Variants in ZNF292 observed in about 807,000 individuals in gnomAD.
ZNF292 encodes zinc finger protein 292.
Under a neutral mutation model 217.9 loss-of-function variants are expected in ZNF292, and 26 were observed. The ratio of observed to expected loss-of-function variants is 0.12; its 90% CI spans 0.09 to 0.17. ZNF292 has a LOEUF of 0.17. Among genes scored for constraint, ZNF292 ranks in the 10% least tolerant of loss-of-function variants. ZNF292 has a pLI of 1.00. For synonymous variants in ZNF292, 1,257 were observed against 1,124.1 expected (o/e 1.12, Z -2.37); for missense variants, 2,904 against 3,175.2 (o/e 0.91, Z 2.05).
chr6:87,250,970 C>T (rs73485831), intron 7 of ZNF292, among the ~76,000 whole-genome samples: 8 of 152,012 alleles, frequency 5.3e-5, no homozygotes, highest in Non-Finnish European at 1.2e-4. Context: ...AGTGCAGTGC[C>T]TGGTATAAAG....
rs752678527 is a variant in ZNF292 at position 87,261,574 on chromosome 6, G to T, written c.7945G>T (p.Glu2649Ter). 6.2e-7 allele frequency: 1 copy of T among 1,610,634 alleles called. No individual in the cohort carries two copies. The highest frequency in any genetic ancestry group is 8.5e-7 in the Non-Finnish European group (1 of 1,178,200). ...TCATGTATGTCCTTGTAAAGAAAGC[G>T]AAACGTTTGTACAGTTTGCCAATCC... ...GNHVCPCKES[E>*]TFVQFANPSQ... is the part of the protein sequence containing the mutation. Residue 2649 changes from glutamate to a stop codon, truncating the protein, a stop_gained, in exon 8 of 8, where the codon GAA becomes TAA. Coordinates refer to ENST00000369577, the MANE Select transcript of ZNF292 (RefSeq NM_015021.3). LOFTEE classifies it high-confidence loss of function.
At chr6:87,172,832 G>A (rs1771146937) in intron 1 of ZNF292, among the ~76,000 whole-genome samples, 1 of 151,832 alleles carries the variant, frequency 6.6e-6, no homozygotes, top group East Asian at 1.9e-4. Context: ...ACCTGAGCCT[G>A]GGAAGTCGAG....
At chr6:87,215,526 G>A (rs1772708942) in intron 1 of ZNF292, among the ~76,000 whole-genome samples, 1 of 151,948 alleles carries the variant, frequency 6.6e-6, no homozygotes, top group Non-Finnish European at 1.5e-5. Context: ...CTGCTTCTAC[G>A]AGAAATAGAA....
intron 1 of ZNF292, among the ~76,000 whole-genome samples, chr6:87,163,450 CAAAA>C (rs751272449): frequency 9.0e-5 from 12 of 133,422 alleles, no homozygotes; most frequent in African/African-American, 1.4e-4. Context: ...GACTTCGCCT[CAAAA>C]AAAAAAAACC....
intron 1 of ZNF292, among the ~76,000 whole-genome samples, chr6:87,179,435 A>G (rs1020117375): frequency 1.3e-5 from 2 of 152,122 alleles, no homozygotes; most frequent in Admixed American, 1.3e-4. Context: ...TGCTGGGATT[A>G]CAGGAATGAG....
chr6:87,240,456 C>G (rs1475505474), intron 5 of ZNF292, among the ~76,000 whole-genome samples: 1 of 151,952 alleles, frequency 6.6e-6, no homozygotes, highest in Non-Finnish European at 1.5e-5. Context: ...GAGTTTTGCT[C>G]TTGTTGCCCA....
chr6:87,166,776 A>G (rs1039509055), intron 1 of ZNF292, among the ~76,000 whole-genome samples: 1 of 152,118 alleles, frequency 6.6e-6, no homozygotes, highest in African/African-American at 2.4e-5. Flanking sequence ...ATATGTATGC[A>G]TTTGTTGCCT....
Position 87,168,420 on chromosome 6 carries a change from A to G in ZNF292, c.168+12661A>G, listed in dbSNP as rs1214930747. 2.6e-5 allele frequency among the ~76,000 whole-genome samples: 4 copies of G among 152,228 alleles called. No homozygotes were observed. The East Asian group carries it at 7.7e-4, about 29-fold the overall frequency. ...CCTGGAAAATGTCTTCATGTGGAAC[A>G]TTTGGCATCCTTATTGATGCCTGAT... On this transcript the variant is annotated intron_variant, in intron 1 of 7. Transcript: ENST00000369577.
chr6:87,214,212 A>G (rs2127800532), intron 1 of ZNF292, among the ~76,000 whole-genome samples: 1 of 152,328 alleles, frequency 6.6e-6, no homozygotes, highest in Middle Eastern at 3.4e-3. Flanking sequence ...GCTTCATCTC[A>G]TGACCAGCTA....
At chr6:87,181,762 A>G (rs542258694) in intron 1 of ZNF292, among the ~76,000 whole-genome samples, 1 of 151,640 alleles carries the variant, frequency 6.6e-6, no homozygotes, top group South Asian at 2.1e-4. Context: ...ACTCACTGCA[A>G]CCTCCGCCTC....
At chr6:87,250,040 A>C (rs1041621020) in intron 7 of ZNF292, among the ~76,000 whole-genome samples, 2 of 151,330 alleles carry the variant, frequency 1.3e-5, no homozygotes, top group South Asian at 2.1e-4. Context: ...AAAAAAACAA[A>C]AAAAAAAACT....
At position 87,257,889 on chromosome 6, in the gene ZNF292, T is replaced by G. The variant is rs1775319895; in HGVS notation, c.4260T>G (p.Ser1420=). ...TTCTACAGAGTAATGGACAGCCTTCTCTTCTTGCCAGCATGATTCTCTCCA... is the reference window on the plus strand; with the variant it reads ...TTCTACAGAGTAATGGACAGCCTTCGCTTCTTGCCAGCATGATTCTCTCCA... ...QELLQSNGQP[S]LLASMILSTN... The change falls in exon 8 of 8, where the codon TCT becomes TCG. Residue 1420 remains serine, a synonymous_variant. Transcript: ENST00000369577. 6.2e-7 allele frequency: 1 copy of G among 1,613,882 alleles called. No homozygotes were observed. Among genetic ancestry groups the G allele is most frequent in the African/African-American group, 1.3e-5 (1 of 75,036 alleles).
chr6:87,183,082 A>G (rs1309819801), intron 1 of ZNF292, among the ~76,000 whole-genome samples: 2 of 152,176 alleles, frequency 1.3e-5, no homozygotes, highest in Non-Finnish European at 2.9e-5. Context: ...ATGACTGTGT[A>G]TACAGTGAAT....
chr6:87,189,604 A>AT lies in ZNF292; in HGVS notation c.169-26294dup, dbSNP rs551107294. Among the ~76,000 whole-genome samples, 54 of 151,634 alleles carry AT rather than the reference A, an allele frequency of 3.6e-4. 1 individual carries two copies. In the South Asian group the frequency reaches 8.8e-3, roughly 25 times the overall value. ...TGTAGAATATATGAATTTGTCTAAT[A>AT]TTTTTCTCATTATTAGACTGGGATT... On this transcript the variant is annotated intron_variant, in intron 1 of 7. Transcript: ENST00000369577.
intron 4 of ZNF292, among the ~76,000 whole-genome samples, chr6:87,219,086 TAAG>T (rs756576723): frequency 2.6e-4 from 40 of 152,304 alleles, no homozygotes; most frequent in Admixed American, 1.4e-3. Context: ...CAAAATAAAA[TAAG>T]AAGTCAGTAC....
At chr6:87,189,061 T>G (rs1771747818) in intron 1 of ZNF292, among the ~76,000 whole-genome samples, 1 of 151,728 alleles carries the variant, frequency 6.6e-6, no homozygotes, top group Admixed American at 6.6e-5. Flanking sequence ...AAAAATTAGC[T>G]GGATAAGGTG....
At chr6:87,245,343 T>C (rs1405377545) in intron 6 of ZNF292, among the ~76,000 whole-genome samples, 160 bp from the exon 7 acceptor site, 1 of 152,222 alleles carries the variant, frequency 6.6e-6, no homozygotes, top group African/African-American at 2.4e-5. Flanking sequence ...TTATTTGGTA[T>C]TTAGAAAATT....
intron 1 of ZNF292, 138 bp downstream of exon 1, chr6:87,155,897 A>C: frequency 9.0e-7 from 1 of 1,116,286 alleles, no homozygotes; most frequent in Non-Finnish European, 1.2e-6. Context: ...CGGGAGTAGA[A>C]GGAAGGCGCC....
chr6:87,174,915 A>T (rs1295231185), intron 1 of ZNF292, among the ~76,000 whole-genome samples: 1 of 152,168 alleles, frequency 6.6e-6, no homozygotes, highest in East Asian at 1.9e-4. Context: ...TATCTTACAC[A>T]TTTCCCGAAG....
Sources: allele counts gnomAD v4.1 joint callset (sites outside exome capture counted in the v4.1 genomes callset), GRCh38; gene constraint gnomAD v4.1.1; transcripts MANE v1.5; gene names NCBI Gene and HGNC (gene_info 2026-07-23, HGNC 2026-07-21).